HIPK2: variants seen among roughly 807,000 people sequenced by gnomAD.
HIPK2 encodes homeodomain-interacting protein kinase 2.
HIPK2 carries 27 observed loss-of-function variants against 113.7 expected under a neutral mutation model. That is an observed-to-expected ratio of 0.24 (90% CI 0.17 to 0.33). The LOEUF (loss-of-function observed/expected upper bound fraction) is 0.33, where lower values mean the gene tolerates loss of function less well. HIPK2 is among the 10% of genes least tolerant of loss of function. HIPK2 has a pLI of 1.00. For synonymous variants in HIPK2, 631 were observed against 642.2 expected (o/e 0.98, Z 0.26); for missense variants, 1,257 against 1,588.0 (o/e 0.79, Z 3.54).
chr7:139,767,711 A>G (rs902333759), intron 1 of HIPK2, among the ~76,000 whole-genome samples: 1 of 152,270 alleles, frequency 6.6e-6, no homozygotes, highest in Non-Finnish European at 1.5e-5. Flanking sequence ...TATGAGACCA[A>G]GGTTGAGGAG....
At chr7:139,736,010 G>T (rs959537240) in intron 1 of HIPK2, among the ~76,000 whole-genome samples, 2 of 152,190 alleles carry the variant, frequency 1.3e-5, no homozygotes, top group Non-Finnish European at 2.9e-5. Context: ...TGGAAAGGCT[G>T]GAGTCAGCGT....
chr7:139,774,716 T>C (rs1285555463), intron 1 of HIPK2, among the ~76,000 whole-genome samples: 3 of 152,208 alleles, frequency 2.0e-5, no homozygotes, highest in Non-Finnish European at 4.4e-5. Flanking sequence ...TAGGCTCCTC[T>C]CATTCAGAAC....
At chr7:139,692,570 T>C (rs1794437835) in intron 2 of HIPK2, among the ~76,000 whole-genome samples, 1 of 152,210 alleles carries the variant, frequency 6.6e-6, no homozygotes, top group Admixed American at 6.5e-5. Context: ...TCTGTAGAAT[T>C]TGGGGTGGGG....
At chr7:139,700,773 G>A (rs1794685035) in intron 2 of HIPK2, among the ~76,000 whole-genome samples, 2 of 152,080 alleles carry the variant, frequency 1.3e-5, no homozygotes, top group Admixed American at 1.3e-4. Context: ...TCACTCAAAC[G>A]GGGTGTGCCC....
rs547691856 is a variant in HIPK2 at position 139,763,472 on chromosome 7, GC to G, written c.19+14132del. 5.9e-3 allele frequency among the ~76,000 whole-genome samples: 594 copies of G among 100,602 alleles called. 9 individuals carry two copies. Among genetic ancestry groups the G allele is most frequent in the Non-Finnish European group, 7.9e-3 (431 of 54,822 alleles). The allele number at this position is 100,602 out of a possible 152,430, so 66.0% of individuals were successfully genotyped here. On this transcript the variant is annotated intron_variant, in intron 1 of 14. Coordinates refer to ENST00000406875, the MANE Select transcript of HIPK2 (RefSeq NM_022740.5). ...TAGGAGTAAGATTTTGCCGGAACAC[GC>G]CCCCCCCCCCACACGCCCCTCCCAC...
intron 13 of HIPK2, among the ~76,000 whole-genome samples, chr7:139,581,036 G>A (rs1049743373): frequency 9.2e-5 from 14 of 151,878 alleles, no homozygotes; most frequent in African/African-American, 3.4e-4. Context: ...CCTGGCTAAC[G>A]CGGTGAAACC....
intron 5 of HIPK2, among the ~76,000 whole-genome samples, chr7:139,627,504 G>C (rs936715251): frequency 7.2e-5 from 11 of 152,156 alleles, no homozygotes; most frequent in African/African-American, 9.7e-5. Context: ...TCTGAACACA[G>C]GATTTTTCTT....
At chr7:139,615,232 G>A (rs1311488406) in intron 7 of HIPK2, among the ~76,000 whole-genome samples, 1 of 152,226 alleles carries the variant, frequency 6.6e-6, no homozygotes, top group Non-Finnish European at 1.5e-5. Context: ...ACTGTTTACA[G>A]ATGTCCTTAG....
chr7:139,588,639 A>G (rs1798916686), intron 12 of HIPK2, among the ~76,000 whole-genome samples: 1 of 152,128 alleles, frequency 6.6e-6, no homozygotes, highest in East Asian at 1.9e-4. Context: ...GCTAGGAGGT[A>G]GGGAGGAGGG....
chr7:139,690,393 T>C, intron 2 of HIPK2, among the ~76,000 whole-genome samples: 1 of 144,752 alleles, frequency 6.9e-6, no homozygotes, highest in South Asian at 2.1e-4. Context: ...TCCAATCTTA[T>C]GTTGAAATGT....
At chr7:139,733,580 C>A (rs1569482727) in intron 1 of HIPK2, among the ~76,000 whole-genome samples, 1 of 152,088 alleles carries the variant, frequency 6.6e-6, no homozygotes, top group African/African-American at 2.4e-5. Context: ...TAAAAATAAT[C>A]TATGTTTTAC....
At chr7:139,690,412 G>C (rs1293757100) in intron 2 of HIPK2, among the ~76,000 whole-genome samples, 2 of 152,160 alleles carry the variant, frequency 1.3e-5, no homozygotes, top group Non-Finnish European at 2.9e-5. Context: ...GTGATCTCCA[G>C]TGTTGGAGGT....
chr7:139,632,304 C>T (rs1463662490), intron 2 of HIPK2, among the ~76,000 whole-genome samples: 2 of 152,160 alleles, frequency 1.3e-5, no homozygotes, highest in African/African-American at 4.8e-5. Flanking sequence ...GAATGCACAA[C>T]CACACCTAAC....
intron 2 of HIPK2, among the ~76,000 whole-genome samples, chr7:139,641,278 T>G (rs191096608): frequency 6.7e-6 from 1 of 149,088 alleles, no homozygotes; most frequent in East Asian, 2.0e-4. Context: ...GGCAGGAGAA[T>G]CACTTGAACC....
At chr7:139,649,184 C>T (rs368592521) in intron 2 of HIPK2, among the ~76,000 whole-genome samples, 239 of 152,246 alleles carry the variant, frequency 1.6e-3, no homozygotes, top group Non-Finnish European at 1.9e-3. Context: ...GACACCACAG[C>T]GGCCTATGAA....
chr7:139,748,197 G>A (rs972361893), intron 1 of HIPK2, among the ~76,000 whole-genome samples: 1 of 152,126 alleles, frequency 6.6e-6, no homozygotes, highest in African/African-American at 2.4e-5. Flanking sequence ...CATCTGAGCC[G>A]CTTCTCTGCT....
intron 2 of HIPK2, among the ~76,000 whole-genome samples, chr7:139,688,579 G>A (rs1017650333): frequency 3.3e-5 from 5 of 152,200 alleles, no homozygotes; most frequent in African/African-American, 4.8e-5. Context: ...CAGTTAAAGG[G>A]AGATGTTTAA....
chr7:139,733,451 A>G (rs1795851066), intron 1 of HIPK2, among the ~76,000 whole-genome samples: 1 of 152,214 alleles, frequency 6.6e-6, no homozygotes, highest in African/African-American at 2.4e-5. Flanking sequence ...CCCAGTTTCT[A>G]TGTACAATAT....
intron 13 of HIPK2, among the ~76,000 whole-genome samples, chr7:139,579,868 G>A (rs908428527): frequency 2.0e-5 from 3 of 152,128 alleles, no homozygotes; most frequent in Non-Finnish European, 2.9e-5. Flanking sequence ...GTAGGTACGG[G>A]AGATCCGGAA....
Sources: gnomAD v4.1 joint callset for allele counts (sites outside exome capture counted in the v4.1 genomes callset) on GRCh38, gnomAD v4.1.1 for gene constraint, MANE v1.5 for transcripts, NCBI Gene and HGNC (gene_info 2026-07-23, HGNC 2026-07-21) for gene names.